The following CNTN4 variants were observed in gnomAD, a reference collection of about 807,000 sequenced individuals.
The protein encoded by CNTN4 is contactin-4.
In CNTN4, 77 loss-of-function variants were observed where a neutral mutation model predicts 122.5. That is an observed-to-expected ratio of 0.63 (90% CI 0.52 to 0.76). The LOEUF is 0.76. Among genes scored for constraint, CNTN4 ranks in the 30% least tolerant of loss-of-function variants. CNTN4 has a pLI of 0.00. For synonymous variants in CNTN4, 512 were observed against 447.0 expected (o/e 1.15, Z -1.83); for missense variants, 1,256 against 1,259.1 (o/e 1.00, Z 0.04).
chr3:2,806,067 A>T (rs2092460898), intron 6 of CNTN4, among the ~76,000 whole-genome samples: 1 of 151,944 alleles, frequency 6.6e-6, no homozygotes, highest in African/African-American at 2.4e-5. Context: ...AGGCCTGGCT[A>T]ATTTTTTGTA....
At position 2,362,629 on chromosome 3, in the gene CNTN4, G is replaced by A. The variant is rs1378108819; in HGVS notation, c.-89+23396G>A. ...TGTAAGAAGATAGCAAGGGCTGAGG[G>A]CCTAGGAGATGGATACCAACTTGAG... On this transcript the variant is annotated intron_variant, in intron 3 of 24. Transcript: ENST00000418658. 3 of 461,408 alleles carry A rather than the reference G, an allele frequency of 6.5e-6. No homozygotes were observed. In the Admixed American group the frequency reaches 7.8e-5, roughly 12 times the overall value. The allele number at this position is 461,408 out of a possible 1,614,324, so 28.6% of individuals were successfully genotyped here. A position where few individuals can be genotyped will look rare whatever the true frequency, so the allele number is the denominator to read the frequency against.
chr3:2,271,510 C>A (rs1278869659), intron 2 of CNTN4, among the ~76,000 whole-genome samples: 1 of 152,062 alleles, frequency 6.6e-6, no homozygotes, highest in East Asian at 1.9e-4. Context: ...AATAATAGCA[C>A]CTATATCATA....
chr3:2,502,229 C>T (rs2076613826), intron 3 of CNTN4, among the ~76,000 whole-genome samples: 5 of 152,100 alleles, frequency 3.3e-5, no homozygotes, highest in Admixed American at 3.3e-4. Context: ...CCTCCTTTCT[C>T]CAAATTTTAG....
chr3:2,273,970 C>G (rs146438568), intron 2 of CNTN4, among the ~76,000 whole-genome samples: 58 of 152,078 alleles, frequency 3.8e-4, no homozygotes, highest in African/African-American at 1.2e-3. Flanking sequence ...AAATAAACAT[C>G]TGCTGGAAAC....
chr3:2,580,037 ATGTGTGTG>A (rs5846194), intron 4 of CNTN4, among the ~76,000 whole-genome samples: 1 of 150,006 alleles, frequency 6.7e-6, no homozygotes, highest in East Asian at 2.0e-4. Flanking sequence ...TTAAGCTTGT[ATGTGTGTG>A]TGTGTGTGTG....
At chr3:2,670,653 G>T (rs890899561) in intron 4 of CNTN4, among the ~76,000 whole-genome samples, 25 of 152,108 alleles carry the variant, frequency 1.6e-4, no homozygotes, top group Non-Finnish European at 2.4e-4. Flanking sequence ...TAGCTGGTTA[G>T]TTTGCTCAGT....
At chr3:2,112,663 C>G (rs2033054089) in intron 2 of CNTN4, among the ~76,000 whole-genome samples, 1 of 152,106 alleles carries the variant, frequency 6.6e-6, no homozygotes, top group South Asian at 2.1e-4. Flanking sequence ...TTGTTTAGAG[C>G]TTATCATTAA....
At chr3:3,044,748 G>T (rs918460654) in intron 23 of CNTN4, among the ~76,000 whole-genome samples, 7 of 152,218 alleles carry the variant, frequency 4.6e-5, no homozygotes, top group African/African-American at 7.2e-5. Flanking sequence ...AATGGGGCTT[G>T]TCGGACAGTG....
intron 13 of CNTN4, among the ~76,000 whole-genome samples, chr3:2,927,081 A>G (rs1024706910): frequency 7.9e-5 from 12 of 152,186 alleles, no homozygotes; most frequent in African/African-American, 2.9e-4. Context: ...TATGTACCAC[A>G]TGTATTTCTC....
chr3:2,918,890 A>G (rs2094397713), intron 12 of CNTN4, among the ~76,000 whole-genome samples: 1 of 152,238 alleles, frequency 6.6e-6, no homozygotes, highest in African/African-American at 2.4e-5. Flanking sequence ...GTTCAGGCAA[A>G]GCCTCATGAG....
At chr3:3,027,286 G>C (rs1230216215) in intron 15 of CNTN4, among the ~76,000 whole-genome samples, 3 of 152,164 alleles carry the variant, frequency 2.0e-5, no homozygotes. Context: ...AGTGGTATCT[G>C]ATTGGTACAA....
intron 5 of CNTN4, among the ~76,000 whole-genome samples, chr3:2,743,560 T>G (rs2089587651): frequency 6.6e-6 from 1 of 152,234 alleles, no homozygotes; most frequent in African/African-American, 2.4e-5. Context: ...TGTTGCTATG[T>G]GGTAGTGTGC....
intron 14 of CNTN4, among the ~76,000 whole-genome samples, chr3:3,000,880 C>CTTTTTTT (rs59337830): frequency 2.3e-5 from 3 of 131,496 alleles, no homozygotes; most frequent in African/African-American, 5.4e-5. Context: ...TTCTTTCTTT[C>CTTTTTTT]TTTTTTTTTT....
chr3:2,291,127 A>T (rs2042117714), intron 2 of CNTN4, among the ~76,000 whole-genome samples: 1 of 152,054 alleles, frequency 6.6e-6, no homozygotes, highest in African/African-American at 2.4e-5. Context: ...TGCAGATGTG[A>T]TGATATTTTT....
intron 13 of CNTN4, among the ~76,000 whole-genome samples, chr3:2,987,449 G>A (rs1292195582): frequency 6.6e-6 from 1 of 152,194 alleles, no homozygotes; most frequent in African/African-American, 2.4e-5. Context: ...CCAATTAGGA[G>A]GCTGTTTTGA....
At chr3:2,791,899 C>G (rs891876103) in intron 6 of CNTN4, among the ~76,000 whole-genome samples, 1 of 152,130 alleles carries the variant, frequency 6.6e-6, no homozygotes, top group Non-Finnish European at 1.5e-5. Flanking sequence ...TAATCTCCCT[C>G]TGCCTCACTC....
At chr3:2,425,616 T>A (rs2047796656) in intron 3 of CNTN4, among the ~76,000 whole-genome samples, 1 of 152,182 alleles carries the variant, frequency 6.6e-6, no homozygotes, top group South Asian at 2.1e-4. Flanking sequence ...AGAAAGTCAT[T>A]GGTAGCTTGA....
chr3:2,885,540 C>A (rs1221470910), intron 9 of CNTN4, among the ~76,000 whole-genome samples: 2 of 152,072 alleles, frequency 1.3e-5, no homozygotes, highest in Non-Finnish European at 2.9e-5. Flanking sequence ...GTTGTGTCTC[C>A]CAAATTTTAT....
chr3:2,416,779 G>A (rs567204159), intron 3 of CNTN4, among the ~76,000 whole-genome samples: 3 of 152,036 alleles, frequency 2.0e-5, no homozygotes, highest in East Asian at 1.9e-4. Context: ...TCAGCCTCCC[G>A]AGTAGCTGGG....
Sources: allele counts gnomAD v4.1 joint callset (sites outside exome capture counted in the v4.1 genomes callset), GRCh38; gene constraint gnomAD v4.1.1; transcripts MANE v1.5; gene names NCBI Gene and HGNC (gene_info 2026-07-23, HGNC 2026-07-21).